Variants in PDE1C observed in about 807,000 individuals in gnomAD.
PDE1C encodes phosphodiesterase 1C, also known as dual specificity calcium/calmodulin-dependent 3',5'-cyclic nucleotide phosphodiesterase 1C.
Under a neutral mutation model 93.1 loss-of-function variants are expected in PDE1C, and 62 were observed. That is an observed-to-expected ratio of 0.67 (90% CI 0.54 to 0.82). The LOEUF is 0.82. Ranked by LOEUF, PDE1C falls within the 40% of genes least tolerant of loss-of-function variation. The probability of loss-of-function intolerance (pLI) is 0.00; values close to 1 mark genes in which losing one functional copy is unlikely to be tolerated. For missense variants in PDE1C, 742 were observed against 884.6 expected, an observed-to-expected ratio of 0.84 and a Z score of 2.04; for synonymous variants, 325 against 310.1, an observed-to-expected ratio of 1.05 and a Z score of -0.50.
At chr7:31,700,158 CT>C in the PDE1C span, among the ~76,000 whole-genome samples, 1 of 152,166 alleles carries the variant, frequency 6.6e-6, no homozygotes, top group Non-Finnish European at 1.5e-5. Flanking sequence ...AAAATTAGGT[CT>C]CTTGTACCAA....
chr7:32,101,157 G>A (rs1176183781), intron 3 of PDE1C, among the ~76,000 whole-genome samples: 1 of 152,170 alleles, frequency 6.6e-6, no homozygotes, highest in Admixed American at 6.5e-5. Context: ...AGCAAAAGGA[G>A]GTCAACCTGT....
chr7:31,690,779 G>A, the PDE1C span, among the ~76,000 whole-genome samples: 1 of 152,072 alleles, frequency 6.6e-6, no homozygotes, highest in Non-Finnish European at 1.5e-5. Context: ...GTAAGTGCGT[G>A]GCTTCAAATG....
At chr7:32,412,597 C>T (rs1785193680) in intron 1 of PDE1C, among the ~76,000 whole-genome samples, 1 of 152,152 alleles carries the variant, frequency 6.6e-6, no homozygotes, top group South Asian at 2.1e-4. Flanking sequence ...ATACTAGCAT[C>T]ACCACAAACA....
intron 2 of PDE1C, among the ~76,000 whole-genome samples, chr7:31,987,689 C>G (rs185976927): frequency 1.6e-3 from 248 of 152,256 alleles, no homozygotes; most frequent in Non-Finnish European, 1.0e-4. Flanking sequence ...TCTTAGAGAA[C>G]AGTGTTATAT....
At chr7:32,312,488 C>T (rs1263486250) in intron 1 of PDE1C, among the ~76,000 whole-genome samples, 1 of 152,092 alleles carries the variant, frequency 6.6e-6, no homozygotes, top group Non-Finnish European at 1.5e-5. Context: ...AGGCATCACG[C>T]TACCTGACTT....
chr7:32,373,570 T>G (rs1784368344), intron 1 of PDE1C, among the ~76,000 whole-genome samples: 1 of 152,256 alleles, frequency 6.6e-6, no homozygotes, highest in African/African-American at 2.4e-5. Context: ...GTGCAACTCT[T>G]GAATTCGCCA....
At chr7:32,009,447 T>C (rs1383578747) in intron 2 of PDE1C, among the ~76,000 whole-genome samples, 1 of 152,214 alleles carries the variant, frequency 6.6e-6, no homozygotes, top group Non-Finnish European at 1.5e-5. Context: ...AACGCATGCA[T>C]ATGAGAAAGA....
In PDE1C at chr7:31,815,957, C is replaced by G. The variant is rs1019584289; in HGVS notation, c.1780G>C (p.Ala594Pro). Reference protein sequence around the residue: ...SDNPRGKNSKAEKSSGEQQQN... With the variant: ...SDNPRGKNSKPEKSSGEQQQN... ...TGCTGTTCTCCTGATGACTTCTCGG[C>G]TTTGGAGTTTTTCCCACGAGGGTTG... is the stretch of plus-strand genomic sequence containing the variant. The change falls in exon 15 of 18, where the codon GCC becomes CCC. Residue 594 changes from alanine (A) to proline (P), a missense_variant. Ala to Pro is a conservative substitution (Grantham distance 27). Coordinates refer to ENST00000396191, the MANE Select transcript of PDE1C (RefSeq NM_001191057.4). 3.1e-6 allele frequency: 5 copies of G among 1,613,882 alleles called. No individual in the cohort carries two copies. The highest frequency in any genetic ancestry group is 4.2e-6 in the Non-Finnish European group (5 of 1,179,838).
chr7:32,427,923 C>T (rs571177521), exon 1 of PDE1C: 1 of 152,472 alleles, frequency 6.6e-6, no homozygotes, highest in South Asian at 2.1e-4. Context: ...CAGCTCTTCT[C>T]GATGTCTCGC....
chr7:32,353,555 TG>T (rs201763152), intron 1 of PDE1C, among the ~76,000 whole-genome samples: 39,690 of 57,780 alleles, frequency 0.69, 14,978 homozygotes, highest in Non-Finnish European at 0.83. Flanking sequence ...CTGTAGTTTT[TG>T]TTTTTTTTTT....
At chr7:32,250,987 G>A (rs980555613) in intron 1 of PDE1C, among the ~76,000 whole-genome samples, 1 of 152,250 alleles carries the variant, frequency 6.6e-6, no homozygotes, top group African/African-American at 2.4e-5. Flanking sequence ...AGTCAAGCCG[G>A]ATTAAGTCAG....
intron 2 of PDE1C, among the ~76,000 whole-genome samples, chr7:31,966,252 G>A (rs1308915986): frequency 6.6e-6 from 1 of 152,100 alleles, no homozygotes; most frequent in African/African-American, 2.4e-5. Context: ...CAAAATAAAG[G>A]GATGGAGGAA....
At chr7:32,404,902 T>C (rs1043539448) in intron 1 of PDE1C, among the ~76,000 whole-genome samples, 1 of 152,240 alleles carries the variant, frequency 6.6e-6, no homozygotes, top group African/African-American at 2.4e-5. Context: ...TCCTACTACA[T>C]ACATTTCTAG....
intron 11 of PDE1C, 72 bp downstream of exon 11, chr7:31,837,108 G>A: frequency 1.4e-6 from 2 of 1,476,220 alleles, no homozygotes; most frequent in South Asian, 1.2e-5. Flanking sequence ...CCTTATCCTA[G>A]CATTGCTGAG....
At chr7:32,071,403 C>T (rs1254631455), upstream of PDE1C, 2 of 985,420 alleles carry the variant, frequency 2.0e-6, no homozygotes, top group Non-Finnish European at 2.4e-6. Flanking sequence ...GGGAACCACA[C>T]ACCACACTCA....
At chr7:31,676,503 C>CA in the PDE1C span, among the ~76,000 whole-genome samples, 1 of 151,600 alleles carries the variant, frequency 6.6e-6, no homozygotes, top group Non-Finnish European at 1.5e-5. Context: ...TTCTTAAAAA[C>CA]AAAAAAATGA....
At chr7:32,112,840 G>GTATATATATATATATA (rs1563322964) in intron 3 of PDE1C, among the ~76,000 whole-genome samples, 4 of 53,662 alleles carry the variant, frequency 7.5e-5, no homozygotes, top group African/African-American at 3.8e-4. Flanking sequence ...GTGTGTGTGT[G>GTATATATATATATATA]TGTGTGTATA....
At chr7:32,046,438 C>A (rs1371788676) in intron 2 of PDE1C, among the ~76,000 whole-genome samples, 3 of 152,016 alleles carry the variant, frequency 2.0e-5, no homozygotes, top group Non-Finnish European at 4.4e-5. Context: ...TCTGATTGTT[C>A]CCAATGACCT....
chr7:31,985,234 C>A (rs902432025), intron 2 of PDE1C, among the ~76,000 whole-genome samples: 1 of 152,000 alleles, frequency 6.6e-6, no homozygotes, highest in Non-Finnish European at 1.5e-5. Flanking sequence ...AGTTTTCTTA[C>A]AATTCTTTGC....
Sources: gnomAD v4.1 joint callset for allele counts (sites outside exome capture counted in the v4.1 genomes callset) on GRCh38, gnomAD v4.1.1 for gene constraint, MANE v1.5 for transcripts, NCBI Gene and HGNC (gene_info 2026-07-23, HGNC 2026-07-21) for gene names.